Variants in NXPE4 observed in about 807,000 individuals in gnomAD.
NXPE4 encodes the protein neurexophilin and PC-esterase domain family member 4.
A neutral mutation model predicts 33.3 loss-of-function variants in NXPE4; 42 were observed. The ratio of observed to expected loss-of-function variants is 1.26; its 90% CI spans 0.98 to 1.63. The LOEUF is 1.63. NXPE4 is among the 40% of genes most tolerant of loss of function. The pLI, the probability that NXPE4 is intolerant of heterozygous loss-of-function variation, is 0.00. For synonymous variants in NXPE4, 253 were observed against 234.9 expected (o/e 1.08, Z -0.71); for missense variants, 709 against 647.6 (o/e 1.09, Z -1.03).
the NXPE4 span, among the ~76,000 whole-genome samples, chr11:114,648,845 G>T: frequency 6.6e-6 from 1 of 151,992 alleles, no homozygotes; most frequent in Non-Finnish European, 1.5e-5. Context: ...CTTATAATTT[G>T]TATACCATAG....
At chr11:114,631,618 A>G in the NXPE4 span, among the ~76,000 whole-genome samples, 1 of 151,866 alleles carries the variant, frequency 6.6e-6, no homozygotes, top group Non-Finnish European at 1.5e-5. Flanking sequence ...GCACATGTAT[A>G]CATATGTAAC....
At chr11:114,648,516 C>T in the NXPE4 span, among the ~76,000 whole-genome samples, 14,006 of 152,168 alleles carry the variant, frequency 0.092, 768 homozygotes, top group Middle Eastern at 0.2. Flanking sequence ...CTAATTTAAA[C>T]GTTAATCTAC....
the NXPE4 span, among the ~76,000 whole-genome samples, chr11:114,640,218 A>G: frequency 7.1e-6 from 1 of 139,984 alleles, no homozygotes; most frequent in East Asian, 2.1e-4. Context: ...TTTAAAATGT[A>G]ATTTATATAT....
chr11:114,632,915 T>G, the NXPE4 span, among the ~76,000 whole-genome samples: 2 of 88,502 alleles, frequency 2.3e-5, no homozygotes, highest in South Asian at 3.5e-4. Context: ...CAATATTATA[T>G]TTTATATAAT....
At chr11:114,577,279 CT>C (rs1407983461) in intron 5 of NXPE4, among the ~76,000 whole-genome samples, 2 of 151,198 alleles carry the variant, frequency 1.3e-5, no homozygotes, top group Non-Finnish European at 2.9e-5. Flanking sequence ...GGCTATTATT[CT>C]AAGTGAAGTA....
At chr11:114,656,485 G>T in the NXPE4 span, among the ~76,000 whole-genome samples, 8 of 152,052 alleles carry the variant, frequency 5.3e-5, no homozygotes, top group Admixed American at 6.6e-5. Context: ...AATTCTAAAA[G>T]CTGGAGGAAT....
rs553407825 is a variant in NXPE4, at chr11:114,570,897, T to C, written c.*41A>G. On this transcript the variant is annotated 3_prime_UTR_variant, in exon 6 of 6. Transcript: ENST00000375478. ...GGCCTGCTAGTAGACAGTCAATAAA[T>C]TTTTTTACTTAAGTGAATGAATTTC... 2.8e-6 allele frequency: 4 copies of C among 1,431,026 alleles called. No homozygotes were observed. The highest frequency in any genetic ancestry group is 4.1e-5 in the Admixed American group (2 of 48,856). The allele number at this position is 1,431,026 out of a possible 1,614,324, so 88.6% of individuals were successfully genotyped here.
chr11:114,577,987 C>T (rs551686852), intron 5 of NXPE4, among the ~76,000 whole-genome samples: 3 of 152,162 alleles, frequency 2.0e-5, no homozygotes, highest in Non-Finnish European at 2.9e-5. Context: ...AGGATCCTCT[C>T]ATGTATATTT....
the NXPE4 span, among the ~76,000 whole-genome samples, chr11:114,675,063 A>T: frequency 6.6e-6 from 1 of 151,814 alleles, no homozygotes; most frequent in South Asian, 2.1e-4. Context: ...ATATCATCTC[A>T]ATAGATAAAG....
Position 114,582,655 on chromosome 11 carries a change from C to T in NXPE4, c.463G>A (p.Val155Met), listed in dbSNP as rs761532668. The T allele has an allele frequency of 1.2e-6, 2 of 1,614,196 alleles. No individual in the cohort carries two copies. Among genetic ancestry groups the T allele is most frequent in the Non-Finnish European group, 1.7e-6 (2 of 1,180,022 alleles). ...PALMAGASGK[V>M]TDFNNGTYLV... ...TAGGTGCCGTTGTTGAAGTCAGTCA[C>T]CTTTCCTGAAGCACCTGCCATCAGC... The change falls in exon 3 of 6, where the codon GTG becomes ATG. Residue 155 changes from valine to methionine, a missense_variant. Transcript: ENST00000375478.
At chr11:114,574,683 G>A (rs757803064) in intron 5 of NXPE4, among the ~76,000 whole-genome samples, 10 of 152,030 alleles carry the variant, frequency 6.6e-5, no homozygotes, top group Non-Finnish European at 1.0e-4. Flanking sequence ...GTAACAAACA[G>A]TGAGATTGAA....
the NXPE4 span, among the ~76,000 whole-genome samples, chr11:114,635,544 G>C: frequency 6.6e-6 from 1 of 152,116 alleles, no homozygotes; most frequent in African/African-American, 2.4e-5. Flanking sequence ...TCTTGTGCCA[G>C]TTTTCAAAGG....
the NXPE4 span, among the ~76,000 whole-genome samples, chr11:114,665,318 C>T: frequency 1.3e-5 from 2 of 152,122 alleles, no homozygotes; most frequent in Non-Finnish European, 2.9e-5. Context: ...ATTAGAATGT[C>T]GTGGTTATAA....
the NXPE4 span, among the ~76,000 whole-genome samples, chr11:114,602,831 T>C: frequency 1.4e-4 from 21 of 146,880 alleles, no homozygotes; most frequent in Non-Finnish European, 3.1e-4. Context: ...AATAATTATC[T>C]CATATAATTA....
the NXPE4 span, among the ~76,000 whole-genome samples, chr11:114,629,202 G>A: frequency 1.4e-4 from 22 of 151,926 alleles, no homozygotes; most frequent in African/African-American, 5.1e-4. Context: ...TACCAAAGCC[G>A]GGCAGAGACA....
At chr11:114,618,457 G>A in the NXPE4 span, among the ~76,000 whole-genome samples, 1 of 151,964 alleles carries the variant, frequency 6.6e-6, no homozygotes, top group Non-Finnish European at 1.5e-5. Flanking sequence ...TTGCCTCATG[G>A]GTAACCACTG....
At chr11:114,633,406 T>C in the NXPE4 span, among the ~76,000 whole-genome samples, 1 of 145,504 alleles carries the variant, frequency 6.9e-6, no homozygotes, top group Non-Finnish European at 1.5e-5. Context: ...TATATTATAT[T>C]TTATTATATG....
rs967627073 is a variant in NXPE4, at chr11:114,595,668, C to G, written c.-87G>C. On this transcript the variant is annotated 5_prime_UTR_variant, in exon 1 of 6. Coordinates refer to ENST00000375478, the MANE Select transcript of NXPE4 (RefSeq NM_001077639.2). ...GTGTTGAGAATTTCTTCTGAAGCCA[C>G]CAGTGTGCTACTGGCATACCTCTTG... 1.3e-5 allele frequency: 2 copies of G among 152,284 alleles called. No homozygotes were observed. Among genetic ancestry groups the G allele is most frequent in the African/African-American group, 4.8e-5 (2 of 41,424 alleles). The allele number at this position is 152,284 out of a possible 1,614,324, so 9.4% of individuals were successfully genotyped here.
chr11:114,571,062 T>G lies in NXPE4; in HGVS notation c.1511A>C (p.Gln504Pro). 1 of 1,614,000 alleles carries G rather than the reference T, an allele frequency of 6.2e-7. No individual in the cohort carries two copies. Among genetic ancestry groups the G allele is most frequent in the Non-Finnish European group, 8.5e-7 (1 of 1,179,878 alleles). The change falls in exon 6 of 6, where the codon CAG becomes CCG. Residue 504 changes from glutamine to proline, a missense_variant. Coordinates refer to ENST00000375478, the MANE Select transcript of NXPE4 (RefSeq NM_001077639.2). ...IQYLIIKDIF[Q>P]DLSVSIIDAW... ...ATCAATGATACTCACACTGAGATCCTGGAAAATGTCCTTTATGATGAGATA... is the reference window on the plus strand; with the variant it reads ...ATCAATGATACTCACACTGAGATCCGGGAAAATGTCCTTTATGATGAGATA...
Sources: allele counts gnomAD v4.1 joint callset (sites outside exome capture counted in the v4.1 genomes callset), GRCh38; gene constraint gnomAD v4.1.1; transcripts MANE v1.5; gene names NCBI Gene and HGNC (gene_info 2026-07-23, HGNC 2026-07-21).